The following MAN1C1 variants were observed in gnomAD, a reference collection of about 807,000 sequenced individuals.
MAN1C1 encodes mannosyl-oligosaccharide 1,2-alpha-mannosidase IC.
MAN1C1 carries 49 observed loss-of-function variants against 71.5 expected under a neutral mutation model. That is an observed-to-expected ratio of 0.69 (90% CI 0.54 to 0.87). The LOEUF (loss-of-function observed/expected upper bound fraction) is 0.87. MAN1C1 is among the 40% of genes least tolerant of loss of function. The pLI, the probability that MAN1C1 is intolerant of heterozygous loss-of-function variation, is 0.00. For missense variants in MAN1C1, 743 were observed against 835.0 expected (o/e 0.89, Z 1.36); for synonymous variants, 352 against 343.7 (o/e 1.02, Z -0.27).
intron 1 of MAN1C1, among the ~76,000 whole-genome samples, chr1:25,672,468 C>A (rs1572138225): frequency 6.6e-6 from 1 of 152,202 alleles, no homozygotes; most frequent in South Asian, 2.1e-4. Flanking sequence ...AGAATCCCTT[C>A]GAGAGGCCAC....
rs2124409997 is a variant in MAN1C1 at position 25,776,461 on chromosome 1, G to A, written c.1258-1644G>A. Among the ~76,000 whole-genome samples the A allele has an allele frequency of 6.6e-6, 1 of 152,272 alleles. No individual in the cohort carries two copies. Among genetic ancestry groups the A allele is most frequent in the East Asian group, 1.9e-4 (1 of 5,174 alleles). On this transcript the variant is annotated intron_variant, in intron 8 of 11. Transcript: ENST00000374332. The surrounding 1 kb of genome is among the most constrained non-coding windows in gnomAD (Gnocchi z 4.3). ...CCAGCTACTTGGGAGGCTGAGGCACGAGAATGGTTTAAACTTGGGAGGCGG... is the reference window on the plus strand; with the variant it reads ...CCAGCTACTTGGGAGGCTGAGGCACAAGAATGGTTTAAACTTGGGAGGCGG...
intron 2 of MAN1C1, among the ~76,000 whole-genome samples, chr1:25,690,964 G>A (rs2046300301): frequency 6.6e-6 from 1 of 152,194 alleles, no homozygotes; most frequent in African/African-American, 2.4e-5. Context: ...GCCTGTAAAA[G>A]GGTACAGATG....
chr1:25,763,512 T>TCCCCAAAAGAATCCCTCAAAGTA (rs2047388577), intron 6 of MAN1C1: 1 of 126,606 alleles, frequency 7.9e-6, no homozygotes, highest in African/African-American at 3.1e-5. Flanking sequence ...AAAAAAACCC[T>TCCCCAAAAGAATCCCTCAAAGTA]CCCCAAAAGA....
chr1:25,669,056 C>G (rs1022949573), intron 1 of MAN1C1, among the ~76,000 whole-genome samples: 1 of 152,176 alleles, frequency 6.6e-6, no homozygotes, highest in African/African-American at 2.4e-5. Context: ...ACCTCAAAAG[C>G]AAGTGCAGGG....
intron 7 of MAN1C1, among the ~76,000 whole-genome samples, chr1:25,768,803 G>A (rs12755181): frequency 1.2e-5 from 1 of 86,032 alleles, no homozygotes; most frequent in South Asian, 4.8e-4. Flanking sequence ...TACACACACT[G>A]CGCTCACACA....
chr1:25,738,488 A>G (rs1305310072), intron 2 of MAN1C1, among the ~76,000 whole-genome samples: 2 of 152,230 alleles, frequency 1.3e-5, no homozygotes, highest in Non-Finnish European at 2.9e-5. Flanking sequence ...TTACTCCAAA[A>G]CTTGGGGGCT....
intron 2 of MAN1C1, among the ~76,000 whole-genome samples, chr1:25,696,342 G>C (rs920308915): frequency 1.3e-5 from 2 of 152,012 alleles, no homozygotes; most frequent in African/African-American, 4.8e-5. Flanking sequence ...GGCAGGTCCT[G>C]AGAGGGCCGG....
In MAN1C1 at chr1:25,775,029, T is replaced by C. The variant is rs1429983664; in HGVS notation, c.1258-3076T>C. On this transcript the variant is annotated intron_variant, in intron 8 of 11. Transcript: ENST00000374332. This position sits in a 1 kb window ranked among gnomAD's most constrained non-coding sequence, Gnocchi z 5.1. ...TAATTTCCTCTTGACTGCAATTACT[T>C]AGCTTGGGGCCAACCCCCAGTGGAA... Among the ~76,000 whole-genome samples the C allele has an allele frequency of 2.0e-5, 3 of 152,192 alleles. No homozygotes were observed. The highest frequency in any genetic ancestry group is 2.0e-4 in the Admixed American group (3 of 15,290).
At chr1:25,620,308 A>G (rs3767922) in intron 1 of MAN1C1, among the ~76,000 whole-genome samples, 25,707 of 152,130 alleles carry the variant, frequency 0.17, 5,450 homozygotes, top group African/African-American at 0.49. Context: ...GGCATGCTGC[A>G]TATACTTGGA....
rs1004607000 is a variant in MAN1C1 at position 25,702,616 on chromosome 1, C to T, written c.637+16080C>T. On this transcript the variant is annotated intron_variant, in intron 2 of 11. Coordinates refer to ENST00000374332, the MANE Select transcript of MAN1C1 (RefSeq NM_020379.4). ...TTTGGCACCAGGGGGCCTGGTTCAC[C>T]ATTTTCTGGCTGTGTGACCTGGGGC... Among the ~76,000 whole-genome samples, 5 of 152,198 alleles carry T rather than the reference C, an allele frequency of 3.3e-5. No individual in the cohort carries two copies. In the East Asian group the frequency reaches 9.6e-4, roughly 29 times the overall value.
Position 25,782,536 on chromosome 1 carries a change from T to C in MAN1C1, c.1651-49T>C. 7.5e-7 allele frequency: 1 copy of C among 1,325,556 alleles called. No homozygotes were observed. The allele number at this position is 1,325,556 out of a possible 1,614,324, so 82.1% of individuals were successfully genotyped here. On this transcript the variant is annotated intron_variant, in intron 10 of 11. Coordinates refer to ENST00000374332, the MANE Select transcript of MAN1C1 (RefSeq NM_020379.4). This position sits in a 1 kb window ranked among gnomAD's most constrained non-coding sequence, Gnocchi z 4.4. ...GCATGCACAAGTCTTGAGGGGCCTT[T>C]CCTGTCCCGTGTTAAGGCTGTTTTC...
intron 2 of MAN1C1, among the ~76,000 whole-genome samples, chr1:25,745,669 A>G (rs1459752850): frequency 6.6e-6 from 1 of 152,212 alleles, no homozygotes; most frequent in African/African-American, 2.4e-5. Flanking sequence ...AGCTACAACT[A>G]ATCTTGAAGA....
At position 25,617,990 on chromosome 1, in the gene MAN1C1, G is replaced by T. The variant is rs773202127; in HGVS notation, c.193G>T (p.Val65Leu). The T allele has an allele frequency of 1.2e-6, 2 of 1,606,170 alleles. No individual in the cohort carries two copies. The highest frequency in any genetic ancestry group is 1.4e-5 in the African/African-American group (1 of 73,812). ...APRTQQPGLE[V>L]VAEIAGHAPA... ...CCGGACCCAGCAGCCTGGTCTGGAA[G>T]TGGTGGCTGAAATCGCCGGCCATGC... The change falls in exon 1 of 12, where the codon GTG becomes TTG. Residue 65 changes from valine to leucine, a missense_variant. Transcript: ENST00000374332. This position sits in a 1 kb window ranked among gnomAD's most constrained non-coding sequence, Gnocchi z 5.1.
In MAN1C1 at chr1:25,775,739, C is replaced by T. The variant is rs1338941775; in HGVS notation, c.1258-2366C>T. On this transcript the variant is annotated intron_variant, in intron 8 of 11. Coordinates refer to ENST00000374332, the MANE Select transcript of MAN1C1 (RefSeq NM_020379.4). This position sits in a 1 kb window ranked among gnomAD's most constrained non-coding sequence, Gnocchi z 5.1. ...GGCTGGAGCATGCAGGAAGGAGGCG[C>T]AGCACCAGCTAAGCCCCGAAGCAGG... is the stretch of plus-strand genomic sequence containing the variant. Among the ~76,000 whole-genome samples the T allele has an allele frequency of 6.6e-6, 1 of 150,568 alleles. No individual in the cohort carries two copies. The highest frequency in any genetic ancestry group is 1.9e-4 in the East Asian group (1 of 5,194).
intron 5 of MAN1C1, among the ~76,000 whole-genome samples, 193 bp from the exon 6 acceptor site, chr1:25,758,398 CA>C (rs2047316996): frequency 6.6e-6 from 1 of 152,192 alleles, no homozygotes; most frequent in Non-Finnish European, 1.5e-5. Context: ...AAATGAACTT[CA>C]GTGAGTCACT....
rs1182808020 is a variant in MAN1C1 at position 25,725,621 on chromosome 1, T to C, written c.638-21047T>C. Among the ~76,000 whole-genome samples the C allele has an allele frequency of 6.6e-6, 1 of 152,232 alleles. No individual in the cohort carries two copies. The highest frequency in any genetic ancestry group is 1.9e-4 in the East Asian group (1 of 5,200). On this transcript the variant is annotated intron_variant, in intron 2 of 11. Coordinates refer to ENST00000374332, the MANE Select transcript of MAN1C1 (RefSeq NM_020379.4). This position sits in a 1 kb window ranked among gnomAD's most constrained non-coding sequence, Gnocchi z 4.8. ...CTGCTGAGGGCTTCTTGGGTTATCC[T>C]AGCTCCTCCTAGAATAAAGTGTCCT...
At chr1:25,706,167 G>A (rs1195592007) in intron 2 of MAN1C1, among the ~76,000 whole-genome samples, 2 of 152,162 alleles carry the variant, frequency 1.3e-5, no homozygotes, top group African/African-American at 2.4e-5. Flanking sequence ...ATGGTATAAG[G>A]ATGCCTGTCC....
At chr1:25,700,494 G>C (rs1311174348) in intron 2 of MAN1C1, among the ~76,000 whole-genome samples, 2 of 152,184 alleles carry the variant, frequency 1.3e-5, no homozygotes, top group Non-Finnish European at 2.9e-5. Flanking sequence ...GCTGGGAGCT[G>C]GGAGCAGAGT....
chr1:25,665,680 T>C (rs552490467), intron 1 of MAN1C1, among the ~76,000 whole-genome samples: 4 of 152,208 alleles, frequency 2.6e-5, no homozygotes, highest in African/African-American at 9.6e-5. Context: ...CATTAGATAT[T>C]GCAGGTGGAG....
Sources: allele counts gnomAD v4.1 joint callset (sites outside exome capture counted in the v4.1 genomes callset), GRCh38; gene constraint gnomAD v4.1.1; non-coding constraint Gnocchi (gnomAD v3.1); transcripts MANE v1.5; gene names NCBI Gene and HGNC (gene_info 2026-07-23, HGNC 2026-07-21).